The following PRCC variants were observed in gnomAD, a reference collection of about 807,000 sequenced individuals.
The protein encoded by PRCC is proline rich mitotic checkpoint control factor, also known as proline-rich protein PRCC.
PRCC carries 10 observed loss-of-function variants against 44.0 expected under a neutral mutation model. The ratio of observed to expected loss-of-function variants is 0.23; its 90% CI spans 0.14 to 0.39. The LOEUF (loss-of-function observed/expected upper bound fraction) is 0.39. Ranked by LOEUF, PRCC falls within the 10% of genes least tolerant of loss-of-function variation. The pLI is 1.00. For synonymous variants in PRCC, 278 were observed against 259.5 expected (o/e 1.07, Z -0.69); for missense variants, 573 against 624.7 (o/e 0.92, Z 0.88).
At position 156,768,329 on chromosome 1, in the gene PRCC, A is replaced by G; in HGVS notation, c.468+90A>G. 8 of 1,311,358 alleles carry G rather than the reference A, an allele frequency of 6.1e-6. No homozygotes were observed. The South Asian group carries it at 1.0e-4, about 17-fold the overall frequency. The allele number at this position is 1,311,358 out of a possible 1,614,324, so 81.2% of individuals were successfully genotyped here. A position where few individuals can be genotyped will look rare whatever the true frequency, so the allele number is the denominator to read the frequency against. On this transcript the variant is annotated intron_variant, in intron 1 of 6. Transcript: ENST00000271526. The stretch of plus-strand genomic sequence containing the variant: ...TGTGGAGATTTCAGAACTCCTTCCT[A>G]CAAACGCATCCGTGGATTCAAGGCC...
At position 156,800,474 on chromosome 1, in the gene PRCC, A is replaced by G. The variant is rs373525364; in HGVS notation, c.*14A>G. 1.9e-6 allele frequency: 3 copies of G among 1,613,608 alleles called. No homozygotes were observed. The Admixed American group carries it at 5.0e-5, about 27-fold the overall frequency. On this transcript the variant is annotated 3_prime_UTR_variant, in exon 7 of 7. Coordinates refer to ENST00000271526, the MANE Select transcript of PRCC (RefSeq NM_005973.5). ...TATGGATTCTAGGGCTCTGGAACTG[A>G]TTGCTCCCAGGATCTCCTGCCAGCC...
intron 2 of PRCC, among the ~76,000 whole-genome samples, chr1:156,785,335 C>G (rs1365211176): frequency 6.6e-6 from 1 of 152,092 alleles, no homozygotes; most frequent in Admixed American, 6.6e-5. Flanking sequence ...GATGGTAAAA[C>G]CCCGTCTCTA....
At chr1:156,772,473 C>A (rs1190014889) in intron 1 of PRCC, among the ~76,000 whole-genome samples, 1 of 152,130 alleles carries the variant, frequency 6.6e-6, no homozygotes, top group Non-Finnish European at 1.5e-5. Flanking sequence ...TTCTTTTTCC[C>A]TTCTTGCTGT....
At position 156,782,348 on chromosome 1, in the gene PRCC, A is replaced by G. The variant is rs1652078523; in HGVS notation, c.516+19A>G. ...CCTTCAGGTAAGCATTGTGATATAAACCATTTTTTTTCTCTTCCTGTATTA... is the reference window on the plus strand; with the variant it reads ...CCTTCAGGTAAGCATTGTGATATAAGCCATTTTTTTTCTCTTCCTGTATTA... On this transcript the variant is annotated intron_variant, in intron 2 of 6. Transcript: ENST00000271526. The G allele has an allele frequency of 2.5e-6, 4 of 1,587,336 alleles. No individual in the cohort carries two copies. Among genetic ancestry groups the G allele is most frequent in the Non-Finnish European group, 2.6e-6 (3 of 1,158,242 alleles).
Position 156,800,765 on chromosome 1 carries a change from T to C in PRCC, c.*305T>C, listed in dbSNP as rs1232640898. 3.3e-6 allele frequency: 1 copy of C among 300,338 alleles called. No homozygotes were observed. The highest frequency in any genetic ancestry group is 6.3e-6 in the Non-Finnish European group (1 of 159,736). 18.6% of individuals were successfully genotyped at this position (300,338 alleles called of 1,614,324 possible). A position where few individuals can be genotyped will look rare whatever the true frequency, so the allele number is the denominator to read the frequency against. On this transcript the variant is annotated 3_prime_UTR_variant, in exon 7 of 7. Coordinates refer to ENST00000271526, the MANE Select transcript of PRCC (RefSeq NM_005973.5). ...TTGAACCCTCCCCACCACCACTTTT[T>C]TTTTTTTAAACCAGGGATGTCTGTT...
chr1:156,796,940 A>G (rs986091945), intron 5 of PRCC: 2 of 262,318 alleles, frequency 7.6e-6, no homozygotes, highest in Admixed American at 9.7e-5. Context: ...CTGGTCTCAG[A>G]TGTCCACAGC....
In PRCC at chr1:156,800,772, T is replaced by A. The variant is rs1182249467; in HGVS notation, c.*312T>A. On this transcript the variant is annotated 3_prime_UTR_variant, in exon 7 of 7. Transcript: ENST00000271526. ...CTCCCCACCACCACTTTTTTTTTTT[T>A]AAACCAGGGATGTCTGTTGAAATAA... is the stretch of plus-strand genomic sequence containing the variant. The A allele has an allele frequency of 6.2e-5, 18 of 291,276 alleles. 1 individual carries two copies. Among genetic ancestry groups the A allele is most frequent in the Admixed American group, 4.1e-4 (9 of 21,768 alleles). The allele number at this position is 291,276 out of a possible 1,614,324, so 18.0% of individuals were successfully genotyped here. A position where few individuals can be genotyped will look rare whatever the true frequency, so the allele number is the denominator to read the frequency against.
At position 156,797,162 on chromosome 1, in the gene PRCC, C is replaced by A. The variant is rs113619370; in HGVS notation, c.1324-114C>A. 28 of 1,248,002 alleles carry A rather than the reference C, an allele frequency of 2.2e-5. No individual in the cohort carries two copies. In the African/African-American group the frequency reaches 2.4e-4, roughly 11 times the overall value. The allele number at this position is 1,248,002 out of a possible 1,614,324, so 77.3% of individuals were successfully genotyped here. ...AAAAACAGCTCCAACTTTTCTCCCC[C>A]AGGATTTGGGCTGTGGAATTGGCTT... is the stretch of plus-strand genomic sequence containing the variant. On this transcript the variant is annotated intron_variant, in intron 5 of 6. Coordinates refer to ENST00000271526, the MANE Select transcript of PRCC (RefSeq NM_005973.5).
chr1:156,791,539 G>T, intron 3 of PRCC, 158 bp from the exon 4 acceptor site: 1 of 638,552 alleles, frequency 1.6e-6, no homozygotes, highest in South Asian at 2.1e-5. Context: ...GTCGGTCCTT[G>T]GGATCTATGC....
intron 2 of PRCC, among the ~76,000 whole-genome samples, chr1:156,785,938 A>G (rs1195239236): frequency 6.6e-6 from 1 of 151,600 alleles, no homozygotes; most frequent in African/African-American, 2.4e-5. Context: ...CAGCCTCCCA[A>G]GTAGCTGAGA....
intron 1 of PRCC, among the ~76,000 whole-genome samples, chr1:156,779,143 T>G (rs867182200): frequency 1.3e-5 from 1 of 79,304 alleles, no homozygotes; most frequent in Non-Finnish European, 2.3e-5. Context: ...TTTTTTTTTT[T>G]TTTTTTTTTT....
chr1:156,771,957 G>A (rs1294187098), intron 1 of PRCC, among the ~76,000 whole-genome samples: 1 of 152,014 alleles, frequency 6.6e-6, no homozygotes, highest in African/African-American at 2.4e-5. Context: ...TAAAAAATTT[G>A]TTTTATTTTT....
chr1:156,795,394 C>A (rs1002816229), intron 5 of PRCC, among the ~76,000 whole-genome samples: 7 of 145,248 alleles, frequency 4.8e-5, no homozygotes, highest in Non-Finnish European at 7.5e-5. Flanking sequence ...CTCAAGTGAT[C>A]CTCACACCTC....
At chr1:156,798,225 C>A (rs1652727186) in intron 6 of PRCC, among the ~76,000 whole-genome samples, 1 of 152,180 alleles carries the variant, frequency 6.6e-6, no homozygotes, top group East Asian at 1.9e-4. Flanking sequence ...AGAATCCTTA[C>A]CGATAACACA....
chr1:156,792,177 A>G (rs1652509188), intron 4 of PRCC, among the ~76,000 whole-genome samples: 1 of 147,662 alleles, frequency 6.8e-6, no homozygotes, highest in Admixed American at 7.1e-5. Flanking sequence ...GTGGGATTAC[A>G]GGTATGATTT....
Position 156,800,682 on chromosome 1 carries a change from C to T in PRCC, c.*222C>T, listed in dbSNP as rs376648526. The T allele has an allele frequency of 1.0e-5, 5 of 486,008 alleles. 1 individual carries two copies. Among genetic ancestry groups the T allele is most frequent in the South Asian group, 6.3e-5 (2 of 31,648 alleles). The allele number at this position is 486,008 out of a possible 1,614,324, so 30.1% of individuals were successfully genotyped here. A position where few individuals can be genotyped will look rare whatever the true frequency, so the allele number is the denominator to read the frequency against. On this transcript the variant is annotated 3_prime_UTR_variant, in exon 7 of 7. Coordinates refer to ENST00000271526, the MANE Select transcript of PRCC (RefSeq NM_005973.5). The stretch of plus-strand genomic sequence containing the variant: ...CTAGCAAAGACTTGTGTGATGCCTC[C>T]GAAGGGGCTCTGAGTTCTGGGGTGG...
intron 1 of PRCC, among the ~76,000 whole-genome samples, chr1:156,769,060 G>T (rs369820114): frequency 7.5e-4 from 115 of 152,360 alleles, no homozygotes; most frequent in African/African-American, 2.6e-3. Flanking sequence ...CTCCTGGAGT[G>T]AGGGCTTTGG....
chr1:156,775,512 A>ATTT (rs373249918), intron 1 of PRCC, among the ~76,000 whole-genome samples: 3 of 136,608 alleles, frequency 2.2e-5, no homozygotes, highest in Non-Finnish European at 1.6e-5. Context: ...CCGATTTAAA[A>ATTT]TTTTTTTTTT....
In PRCC at chr1:156,767,954, C is replaced by G. The variant is rs551053247; in HGVS notation, c.183C>G (p.Ala61=). ...LPPPPQMLAP[A]FPPPLLLPPP... ...CGCCCCCTCAGATGCTGGCGCCAGC[C>G]TTTCCCCCGCCGCTGTTGCTTCCCC... The change falls in exon 1 of 7, where the codon GCC becomes GCG. Residue 61 remains alanine, a synonymous_variant. Transcript: ENST00000271526. The G allele has an allele frequency of 1.3e-6, 2 of 1,578,646 alleles. No homozygotes were observed. The highest frequency in any genetic ancestry group is 3.6e-5 in the Admixed American group (2 of 55,490).
Sources: allele counts gnomAD v4.1 joint callset (sites outside exome capture counted in the v4.1 genomes callset), GRCh38; gene constraint gnomAD v4.1.1; transcripts MANE v1.5; gene names NCBI Gene and HGNC (gene_info 2026-07-23, HGNC 2026-07-21).